Variants in RAB27B observed in about 807,000 individuals in gnomAD.
RAB27B encodes the protein RAB27B, member RAS oncogene family, also known as ras-related protein Rab-27B.
In RAB27B, 15 loss-of-function variants were observed where a neutral mutation model predicts 24.6. The observed-to-expected ratio is 0.61, with a 90% CI of 0.41 to 0.94. The LOEUF (loss-of-function observed/expected upper bound fraction) is 0.94, where lower values mean the gene tolerates loss of function less well. RAB27B is among the 40% of genes least tolerant of loss of function. The pLI is 0.00. For missense variants in RAB27B, 261 were observed against 266.8 expected (o/e 0.98, Z 0.15); for synonymous variants, 105 against 92.5 (o/e 1.14, Z -0.78).
At chr18:54,808,379 C>T (rs1219379760) in intron 2 of RAB27B, among the ~76,000 whole-genome samples, 3 of 152,166 alleles carry the variant, frequency 2.0e-5, no homozygotes, top group African/African-American at 7.2e-5. Context: ...ATAAATGCTT[C>T]CCCTGAGAGA....
intron 1 of RAB27B, among the ~76,000 whole-genome samples, chr18:54,849,601 A>C (rs112792084): frequency 1.3e-5 from 2 of 152,088 alleles, no homozygotes; most frequent in African/African-American, 4.8e-5. Flanking sequence ...TGCTTCTGTA[A>C]TTCCAGCTAC....
upstream of RAB27B, among the ~76,000 whole-genome samples, chr18:54,823,991 A>G (rs531166264): frequency 5.5e-3 from 787 of 144,228 alleles, 11 homozygotes; most frequent in African/African-American, 0.017. Flanking sequence ...TTGTACTTTT[A>G]TATGTCTAAT....
chr18:54,757,971 A>G (rs1297623205), intron 2 of RAB27B, among the ~76,000 whole-genome samples: 1 of 152,086 alleles, frequency 6.6e-6, no homozygotes, highest in Non-Finnish European at 1.5e-5. Context: ...TGCCTCTACA[A>G]TACTTGCTTT....
Position 54,878,760 on chromosome 18 carries a change from T to TTA in RAB27B, c.154-609_154-608insTA, listed in dbSNP as rs1555668165. On this transcript the variant is annotated intron_variant, in intron 2 of 5. Transcript: ENST00000262094. ...AACAATAAAAAGGCCAGAATTTTTT[T>TTA]AAAAAAATTAAACTTACCTAAAAAG... is the stretch of plus-strand genomic sequence containing the variant. Among the ~76,000 whole-genome samples the TTA allele has an allele frequency of 7.6e-4, 115 of 151,950 alleles. No homozygotes were observed. In the South Asian group the frequency reaches 0.017, roughly 23 times the overall value.
At chr18:54,864,232 T>G (rs1423391397) in intron 1 of RAB27B, among the ~76,000 whole-genome samples, 1 of 152,222 alleles carries the variant, frequency 6.6e-6, no homozygotes, top group Non-Finnish European at 1.5e-5. Flanking sequence ...TCATTGCAGT[T>G]TTGACCCATA....
intron 1 of RAB27B, among the ~76,000 whole-genome samples, chr18:54,834,681 A>ATG (rs1555661319): frequency 0.21 from 30,870 of 149,992 alleles, 3,710 homozygotes; most frequent in African/African-American, 0.32. Flanking sequence ...GTGTATATAT[A>ATG]TGTGTGTGTG....
chr18:54,748,132 A>G (rs1047548725), intron 2 of RAB27B, among the ~76,000 whole-genome samples: 2 of 152,074 alleles, frequency 1.3e-5, no homozygotes, highest in Non-Finnish European at 2.9e-5. Flanking sequence ...AACAAAAACA[A>G]GACTTTCTCA....
chr18:54,759,099 A>AGTAG (rs1159639603), intron 2 of RAB27B, among the ~76,000 whole-genome samples: 1 of 152,198 alleles, frequency 6.6e-6, no homozygotes, highest in African/African-American at 2.4e-5. Flanking sequence ...CAATAAGCAC[A>AGTAG]TGTTGAATCA....
intron 3 of RAB27B, among the ~76,000 whole-genome samples, chr18:54,882,098 A>G (rs1223080323): frequency 6.6e-6 from 1 of 152,174 alleles, no homozygotes; most frequent in East Asian, 1.9e-4. Context: ...CAAATCCACA[A>G]GAAAAAATTG....
At chr18:54,803,352 G>C (rs1909670100) in intron 2 of RAB27B, among the ~76,000 whole-genome samples, 1 of 152,128 alleles carries the variant, frequency 6.6e-6, no homozygotes, top group Non-Finnish European at 1.5e-5. Context: ...AGGCTTGACA[G>C]ATCAGAGAAA....
intron 2 of RAB27B, among the ~76,000 whole-genome samples, chr18:54,732,888 C>T (rs2045871973): frequency 6.6e-6 from 1 of 152,124 alleles, no homozygotes; most frequent in African/African-American, 2.4e-5. Flanking sequence ...CAAACTAAAT[C>T]CCTTCCCTTA....
chr18:54,860,085 T>C (rs558569300), intron 1 of RAB27B, among the ~76,000 whole-genome samples: 1 of 152,308 alleles, frequency 6.6e-6, no homozygotes, highest in African/African-American at 2.4e-5. Context: ...ATTGGGTACT[T>C]GTCAAAAGGG....
upstream of RAB27B, among the ~76,000 whole-genome samples, chr18:54,824,478 C>G (rs375564554): frequency 6.6e-6 from 1 of 152,174 alleles, no homozygotes; most frequent in Non-Finnish European, 1.5e-5. Flanking sequence ...ATGTCACACC[C>G]TAATTCAGGT....
At chr18:54,775,023 G>A (rs1389152426) in intron 2 of RAB27B, among the ~76,000 whole-genome samples, 1 of 152,224 alleles carries the variant, frequency 6.6e-6, no homozygotes, top group Non-Finnish European at 1.5e-5. Context: ...GCTGTCGGGA[G>A]CTATCAGTCA....
chr18:54,831,781 CT>C (rs372271914), intron 1 of RAB27B, among the ~76,000 whole-genome samples: 7,744 of 149,148 alleles, frequency 0.052, 267 homozygotes, highest in Middle Eastern at 0.13. Context: ...TTTTTTTTTT[CT>C]TTTTTTTTAA....
chr18:54,888,092 A>C lies in RAB27B; in HGVS notation c.441A>C (p.Gln147His), dbSNP rs772332104. The C allele has an allele frequency of 3.1e-6, 5 of 1,613,094 alleles. No individual in the cohort carries two copies. The South Asian group carries it at 5.5e-5, about 18-fold the overall frequency. The change falls in exon 5 of 6, where the codon CAA (glutamine) becomes CAC (histidine). Residue 147 changes from glutamine (Q) to histidine (H), a missense_variant. By Grantham distance (24) the Gln-to-His change is conservative. Transcript: ENST00000262094. ...ATCAGAGGGAAGTCAATGAACGGCAAGCTCGGGAACTGGCTGACAAATATG... is the reference window on the plus strand; with the variant it reads ...ATCAGAGGGAAGTCAATGAACGGCACGCTCGGGAACTGGCTGACAAATATG... ...LPDQREVNER[Q>H]ARELADKYGI...
chr18:54,769,987 C>A (rs1384829891), intron 2 of RAB27B, among the ~76,000 whole-genome samples: 13 of 152,152 alleles, frequency 8.5e-5, no homozygotes, highest in Admixed American at 8.5e-4. Context: ...CCTGCCTCAG[C>A]CTCCTGAGTA....
chr18:54,763,269 T>A (rs775242473), intron 2 of RAB27B, among the ~76,000 whole-genome samples: 2 of 152,210 alleles, frequency 1.3e-5, no homozygotes, highest in Non-Finnish European at 2.9e-5. Context: ...TAATGTATGT[T>A]AATAAATTCA....
intron 2 of RAB27B, among the ~76,000 whole-genome samples, chr18:54,806,086 C>T (rs1909783108): frequency 6.6e-6 from 1 of 152,160 alleles, no homozygotes; most frequent in African/African-American, 2.4e-5. Context: ...GCTTGCAACC[C>T]ATGGGATTTC....
Sources: allele counts gnomAD v4.1 joint callset (sites outside exome capture counted in the v4.1 genomes callset), GRCh38; gene constraint gnomAD v4.1.1; transcripts MANE v1.5; gene names NCBI Gene and HGNC (gene_info 2026-07-23, HGNC 2026-07-21).